The following ITGAE variants were observed in gnomAD, a reference collection of about 807,000 sequenced individuals.
ITGAE encodes integrin alpha-E.
A neutral mutation model predicts 136.5 loss-of-function variants in ITGAE; 99 were observed. That is an observed-to-expected ratio of 0.73 (90% confidence interval 0.62 to 0.86). The LOEUF (loss-of-function observed/expected upper bound fraction) is 0.86. Among genes scored for constraint, ITGAE ranks in the 40% least tolerant of loss-of-function variants. The pLI is 0.00. For missense variants in ITGAE, 1,447 were observed against 1,515.3 expected, an observed-to-expected ratio of 0.95 and a Z score of 0.75; for synonymous variants, 613 against 591.8, an observed-to-expected ratio of 1.04 and a Z score of -0.52.
chr17:3,793,002 C>A (rs2052978645), intron 1 of ITGAE, among the ~76,000 whole-genome samples: 1 of 152,158 alleles, frequency 6.6e-6, no homozygotes, highest in South Asian at 2.1e-4. Flanking sequence ...GAAACATAAC[C>A]AGACCAGACG....
At chr17:3,726,318 A>C in intron 26 of ITGAE, 3 of 1,609,838 alleles carry the variant, frequency 1.9e-6, no homozygotes, top group Non-Finnish European at 2.5e-6. Flanking sequence ...CTGCCAGCAC[A>C]GTCTGTTTAA....
Position 3,768,124 on chromosome 17 carries a change from C to A in ITGAE, c.156-4164G>T, listed in dbSNP as rs181279712. 1.4e-4 allele frequency among the ~76,000 whole-genome samples: 21 copies of A among 151,802 alleles called. No individual in the cohort carries two copies. In the East Asian group the frequency reaches 4.1e-3, roughly 29 times the overall value. On this transcript the variant is annotated intron_variant, in intron 2 of 30. Transcript: ENST00000263087. ...GCCCACTTATTTGGTTTTTAATTTA[C>A]TCATGTAATTTTTTTTTTAAGACAG...
chr17:3,757,196 A>G (rs2052049054), intron 9 of ITGAE, 62 bp from the exon 10 acceptor site: 2 of 1,568,942 alleles, frequency 1.3e-6, no homozygotes, highest in Admixed American at 3.6e-5. Flanking sequence ...CCAGGGAGAG[A>G]GCTGAGCCCC....
intron 22 of ITGAE, 62 bp from the exon 23 acceptor site, chr17:3,731,245 C>T: frequency 1.6e-6 from 2 of 1,286,944 alleles, no homozygotes; most frequent in Non-Finnish European, 2.3e-6. Flanking sequence ...ATTCAGACCG[C>T]TAGCTACTCG....
intron 19 of ITGAE, 150 bp from the exon 20 acceptor site, chr17:3,740,028 G>T: frequency 1.5e-6 from 1 of 661,866 alleles, no homozygotes. Flanking sequence ...TGCAGGCTGG[G>T]ATTGTCCCCG....
rs1437368046 is a variant in ITGAE, at chr17:3,714,915, G to T, written c.3472C>A (p.Gln1158Lys). ...KCGFFKRKYQ[Q>K]LNLESIRKAQ... ...TTCCTGATGCTCTCCAAGTTCAGTT[G>T]TTGATATTTTCTTTTAAAAAAGCCA... is the stretch of plus-strand genomic sequence containing the variant. The change falls in exon 31 of 31, where the codon CAA becomes AAA. Residue 1158 changes from glutamine (Q) to lysine (K), a missense_variant. Physicochemically the swap from Gln to Lys is moderately conservative, Grantham distance 53. Around this residue, in one of 3 missense-constraint regions of ITGAE, gnomAD observed 1,031 missense variants for 1,011.4 expected, o/e 1.02. Transcript: ENST00000263087. The T allele has an allele frequency of 1.2e-6, 2 of 1,608,406 alleles. No individual in the cohort carries two copies. The highest frequency in any genetic ancestry group is 1.1e-5 in the South Asian group (1 of 90,888).
chr17:3,731,041 T>C (rs2051329668), intron 23 of ITGAE, 63 bp downstream of exon 23: 48 of 1,335,226 alleles, frequency 3.6e-5, no homozygotes, highest in Non-Finnish European at 5.2e-5. Flanking sequence ...ACAGCGTGCA[T>C]GTGGCAGGGA....
chr17:3,789,150 G>T lies in ITGAE; in HGVS notation c.35-11490C>A, dbSNP rs545869830. Among the ~76,000 whole-genome samples the T allele has an allele frequency of 5.9e-5, 9 of 152,166 alleles. No individual in the cohort carries two copies. The South Asian group carries it at 1.9e-3, about 32-fold the overall frequency. On this transcript the variant is annotated intron_variant, in intron 1 of 30. Transcript: ENST00000263087. ...TGGTCCTAGCTACTTGGGAGGCTGA[G>T]GTGGGAGAATCACTTGAGCCCAGGA...
chr17:3,733,262 G>C (rs1162699288), intron 21 of ITGAE, among the ~76,000 whole-genome samples: 1 of 152,064 alleles, frequency 6.6e-6, no homozygotes, highest in East Asian at 1.9e-4. Flanking sequence ...TGGGATTACA[G>C]CCGTGAGCCA....
intron 26 of ITGAE, among the ~76,000 whole-genome samples, chr17:3,727,698 C>T (rs2051246899): frequency 6.6e-6 from 1 of 152,092 alleles, no homozygotes; most frequent in Non-Finnish European, 1.5e-5. Context: ...CGCACCTGGC[C>T]AATTTTTGCT....
intron 1 of ITGAE, among the ~76,000 whole-genome samples, chr17:3,783,822 T>C (rs11656569): frequency 0.13 from 19,641 of 152,204 alleles, 1,596 homozygotes; most frequent in African/African-American, 0.22. Flanking sequence ...ACTAGGAAGA[T>C]GTGACAATTT....
intron 1 of ITGAE, among the ~76,000 whole-genome samples, chr17:3,796,194 G>GTGTGTGTGTGTGT (rs1555528691): frequency 2.7e-5 from 1 of 37,508 alleles, no homozygotes; most frequent in African/African-American, 1.2e-4. Flanking sequence ...TGTGTGTGTG[G>GTGTGTGTGTGTGT]TGGGGTAGTT....
intron 3 of ITGAE, 96 bp from the exon 4 acceptor site, chr17:3,762,078 C>T: frequency 1.0e-6 from 1 of 981,694 alleles, no homozygotes; most frequent in Non-Finnish European, 1.6e-6. Flanking sequence ...CTTGGTCAGG[C>T]CCCCATGAGG....
At chr17:3,772,487 A>C (rs2052448725) in intron 2 of ITGAE, among the ~76,000 whole-genome samples, 1 of 139,240 alleles carries the variant, frequency 7.2e-6, no homozygotes, top group African/African-American at 2.9e-5. Flanking sequence ...TTTTTTTGAG[A>C]CGGAGTCTCA....
intron 16 of ITGAE, 54 bp from the exon 17 acceptor site, chr17:3,748,106 G>T: frequency 6.4e-7 from 1 of 1,567,088 alleles, no homozygotes. Flanking sequence ...CTCTGGGTCA[G>T]GGCCTGGCTG....
chr17:3,732,812 T>C (rs564869334), intron 21 of ITGAE, among the ~76,000 whole-genome samples: 25 of 152,248 alleles, frequency 1.6e-4, no homozygotes, highest in African/African-American at 6.0e-4. Flanking sequence ...GATGCAAATA[T>C]AACCCACAGC....
rs187966179 is a variant in ITGAE, at chr17:3,753,989, C to T, written c.1385-64G>A. 7.4e-4 allele frequency: 1,155 copies of T among 1,564,444 alleles called. 9 individuals carry two copies. The African/African-American group carries it at 0.013, about 17-fold the overall frequency. On this transcript the variant is annotated intron_variant, in intron 12 of 30. Transcript: ENST00000263087. The stretch of plus-strand genomic sequence containing the variant: ...CTCCCACCTGGCCTCTCTCTTGGCC[C>T]CGGCACCTTCCCAGTCAGGCCTTCA...
intron 2 of ITGAE, among the ~76,000 whole-genome samples, chr17:3,773,372 T>G (rs1314441668): frequency 6.6e-6 from 1 of 151,946 alleles, no homozygotes. Context: ...GCGCCTGTAA[T>G]CTCAGCTACT....
At chr17:3,790,806 G>C (rs758330937) in intron 1 of ITGAE, among the ~76,000 whole-genome samples, 1 of 152,154 alleles carries the variant, frequency 6.6e-6, no homozygotes, top group Admixed American at 6.5e-5. Flanking sequence ...CACAGCAACC[G>C]CATGTCATGT....
Sources: allele counts gnomAD v4.1 joint callset (sites outside exome capture counted in the v4.1 genomes callset), GRCh38; gene constraint gnomAD v4.1.1; regional missense constraint gnomAD v4.1.1; transcripts MANE v1.5; gene names NCBI Gene and HGNC (gene_info 2026-07-23, HGNC 2026-07-21).